FCHO2: variants seen among roughly 807,000 people sequenced by gnomAD.
FCHO2 encodes FCH and mu domain containing endocytic adaptor 2.
Under a neutral mutation model 114.1 loss-of-function variants are expected in FCHO2, and 43 were observed. The ratio of observed to expected loss-of-function variants is 0.38; its 90% CI spans 0.30 to 0.49. The LOEUF is 0.49. Ranked by LOEUF, FCHO2 falls within the 20% of genes least tolerant of loss-of-function variation. FCHO2 has a pLI of 0.97. For missense variants in FCHO2, 807 were observed against 950.4 expected (o/e 0.85, Z 1.98); for synonymous variants, 293 against 315.2 (o/e 0.93, Z 0.75).
chr5:73,049,260 T>A (rs1757233512), intron 11 of FCHO2, among the ~76,000 whole-genome samples: 1 of 152,146 alleles, frequency 6.6e-6, no homozygotes, highest in Admixed American at 6.6e-5. Flanking sequence ...TGGTTTATAT[T>A]TACACTCTCA....
At chr5:73,010,992 A>T (rs1754979909) in intron 6 of FCHO2, among the ~76,000 whole-genome samples, 1 of 152,144 alleles carries the variant, frequency 6.6e-6, no homozygotes, top group Non-Finnish European at 1.5e-5. Flanking sequence ...TAAGCTACAA[A>T]CCTGTACAGC....
At chr5:72,990,661 T>A in intron 4 of FCHO2, 42 bp downstream of exon 4, 1 of 1,532,062 alleles carries the variant, frequency 6.5e-7, no homozygotes, top group Non-Finnish European at 8.7e-7. Context: ...TGGTCAGATA[T>A]TGAATACTTT....
At chr5:72,984,620 A>G (rs1315314310) in intron 2 of FCHO2, among the ~76,000 whole-genome samples, 11 of 152,090 alleles carry the variant, frequency 7.2e-5, no homozygotes, top group Admixed American at 7.2e-4. Flanking sequence ...TTTTCTATGA[A>G]TGTCTTAATT....
At chr5:73,064,003 A>G (rs1242523858) in intron 18 of FCHO2, 59 bp downstream of exon 18, 9 of 1,409,254 alleles carry the variant, frequency 6.4e-6, no homozygotes, top group East Asian at 2.5e-5. Flanking sequence ...TGCAAATGCT[A>G]TTTTTCTATA....
At chr5:73,069,406 G>A (rs1041526673) in intron 19 of FCHO2, among the ~76,000 whole-genome samples, 1 of 152,076 alleles carries the variant, frequency 6.6e-6, no homozygotes. Flanking sequence ...TGTAGAATCA[G>A]TGTGAGCCCT....
intron 5 of FCHO2, among the ~76,000 whole-genome samples, chr5:72,998,356 G>A (rs1291887061): frequency 2.6e-5 from 4 of 151,848 alleles, no homozygotes; most frequent in Non-Finnish European, 2.9e-5. Flanking sequence ...GCGTGGTGGC[G>A]GGCGCCTGTA....
At chr5:73,068,858 G>T in intron 19 of FCHO2, 79 bp downstream of exon 19, 2 of 1,414,470 alleles carry the variant, frequency 1.4e-6, no homozygotes, top group Non-Finnish European at 1.9e-6. Context: ...ATTTTTAAAT[G>T]GGCTAATGAA....
chr5:72,963,372 C>T (rs1471693531), intron 1 of FCHO2, among the ~76,000 whole-genome samples: 1 of 152,138 alleles, frequency 6.6e-6, no homozygotes, highest in Non-Finnish European at 1.5e-5. Flanking sequence ...ATACAGAACA[C>T]AAATTGCCTA....
chr5:73,059,248 G>T (rs1220205609), intron 17 of FCHO2, among the ~76,000 whole-genome samples: 1 of 152,124 alleles, frequency 6.6e-6, no homozygotes, highest in Non-Finnish European at 1.5e-5. Context: ...TTAAGGAAGC[G>T]CTGGAATCAT....
intron 5 of FCHO2, among the ~76,000 whole-genome samples, chr5:72,991,126 G>A (rs10942521): frequency 0.12 from 17,915 of 152,204 alleles, 1,265 homozygotes; most frequent in Non-Finnish European, 0.17. Flanking sequence ...GTGCAGTGGC[G>A]CGATCTTGGC....
At chr5:72,968,458 T>C in intron 1 of FCHO2, 40 bp from the exon 2 acceptor site, 2 of 1,351,972 alleles carry the variant, frequency 1.5e-6, no homozygotes, top group South Asian at 1.5e-5. Context: ...GTCATTTTTA[T>C]CTGTTTTTTT....
At chr5:72,993,561 A>T (rs2112676427) in intron 5 of FCHO2, among the ~76,000 whole-genome samples, 1 of 152,282 alleles carries the variant, frequency 6.6e-6, no homozygotes, top group East Asian at 1.9e-4. Flanking sequence ...AGAAAAAGAA[A>T]ATGGGTATTT....
At chr5:73,061,486 T>A (rs1338379998) in intron 17 of FCHO2, among the ~76,000 whole-genome samples, 1 of 152,062 alleles carries the variant, frequency 6.6e-6, no homozygotes, top group Non-Finnish European at 1.5e-5. Context: ...CATCTGAACT[T>A]GTAGAGCAGA....
At position 72,982,332 on chromosome 5, in the gene FCHO2, G is replaced by A. The variant is rs1205417290; in HGVS notation, c.126-7095G>A. Among the ~76,000 whole-genome samples the A allele has an allele frequency of 2.0e-5, 3 of 152,306 alleles. No homozygotes were observed. In the East Asian group the frequency reaches 5.8e-4, roughly 29 times the overall value. On this transcript the variant is annotated intron_variant, in intron 2 of 25. Coordinates refer to ENST00000430046, the MANE Select transcript of FCHO2 (RefSeq NM_138782.3). ...TTCTGCATTGATCTCACTGGGAGCTGCAGACTGGAGCTGTTCCTATTCAGC... is the reference window on the plus strand; with the variant it reads ...TTCTGCATTGATCTCACTGGGAGCTACAGACTGGAGCTGTTCCTATTCAGC...
intron 5 of FCHO2, chr5:72,997,386 A>G (rs1157298787): frequency 5.6e-6 from 9 of 1,595,612 alleles, no homozygotes; most frequent in Non-Finnish European, 7.7e-6. Context: ...TACTACGGAC[A>G]GCACTGCACT....
intron 6 of FCHO2, among the ~76,000 whole-genome samples, chr5:73,007,048 C>T (rs1217841865): frequency 6.6e-6 from 1 of 152,126 alleles, no homozygotes; most frequent in Non-Finnish European, 1.5e-5. Context: ...AGGAATCATA[C>T]CTAACATTTC....
intron 5 of FCHO2, among the ~76,000 whole-genome samples, chr5:72,999,597 G>A (rs1174080581): frequency 1.3e-5 from 2 of 151,952 alleles, no homozygotes; most frequent in African/African-American, 2.4e-5. Context: ...TGGCCAGCCT[G>A]ATCTTGAACT....
chr5:73,015,988 A>G (rs1755286589), intron 7 of FCHO2, among the ~76,000 whole-genome samples: 1 of 152,134 alleles, frequency 6.6e-6, no homozygotes, highest in Non-Finnish European at 1.5e-5. Context: ...TTCTAAAGCT[A>G]TCAACTTTTG....
rs75362172 is a variant in FCHO2, at chr5:73,033,091, C to A, written c.797-1566C>A. ...GGGATTCTAAGAACAAGCTCAGTAC[C>A]CTTTTATTAAATGATTTCTCAGCTT... On this transcript the variant is annotated intron_variant, in intron 8 of 25. Transcript: ENST00000430046. Among the ~76,000 whole-genome samples, 8 of 152,152 alleles carry A rather than the reference C, an allele frequency of 5.3e-5. No individual in the cohort carries two copies. The East Asian group carries it at 1.5e-3, about 29-fold the overall frequency.
Sources: gnomAD v4.1 joint callset for allele counts (sites outside exome capture counted in the v4.1 genomes callset) on GRCh38, gnomAD v4.1.1 for gene constraint, MANE v1.5 for transcripts, NCBI Gene and HGNC (gene_info 2026-07-23, HGNC 2026-07-21) for gene names.